The following KIAA1671 variants were observed in gnomAD, a reference collection of about 807,000 sequenced individuals.
The protein encoded by KIAA1671 is KIAA1671.
A neutral mutation model predicts 131.2 loss-of-function variants in KIAA1671; 52 were observed. The ratio of observed to expected loss-of-function variants is 0.40; its 90% confidence interval spans 0.32 to 0.50. The LOEUF (loss-of-function observed/expected upper bound fraction) is 0.50. KIAA1671 is among the 20% of genes least tolerant of loss of function. The pLI is 0.73. For missense variants in KIAA1671, 2,360 were observed against 2,364.2 expected (o/e 1.00, Z 0.04); for synonymous variants, 1,003 against 961.6 (o/e 1.04, Z -0.80).
intron 1 of KIAA1671, among the ~76,000 whole-genome samples, chr22:24,989,229 C>A (rs1923708487): frequency 6.6e-6 from 1 of 152,224 alleles, no homozygotes; most frequent in South Asian, 2.1e-4. Flanking sequence ...ATCTTGGCCA[C>A]CCCGTCTCCC....
intron 6 of KIAA1671, among the ~76,000 whole-genome samples, chr22:25,103,493 G>C (rs1448095274): frequency 1.3e-5 from 2 of 152,068 alleles, no homozygotes; most frequent in African/African-American, 4.8e-5. Flanking sequence ...CAAGTAGCTG[G>C]GACTACAGGC....
chr22:25,091,434 C>G (rs1930024776), intron 6 of KIAA1671, among the ~76,000 whole-genome samples: 1 of 152,150 alleles, frequency 6.6e-6, no homozygotes, highest in Non-Finnish European at 1.5e-5. Flanking sequence ...TTTTGTTCTA[C>G]CTCTCAGAAT....
chr22:25,033,598 T>TTTTTG (rs1926420546), intron 4 of KIAA1671, among the ~76,000 whole-genome samples: 1 of 140,238 alleles, frequency 7.1e-6, no homozygotes, highest in Non-Finnish European at 1.5e-5. Flanking sequence ...TTTTTTTTTT[T>TTTTTG]GATGGAGTCT....
At chr22:25,111,863 C>G (rs1931376782) in intron 6 of KIAA1671, 1 of 159,220 alleles carries the variant, frequency 6.3e-6, no homozygotes, top group Admixed American at 6.9e-5. Flanking sequence ...GGCCGATCAG[C>G]TGGGTGAGCC....
chr22:24,996,799 C>T (rs865923953), intron 1 of KIAA1671, among the ~76,000 whole-genome samples: 7 of 152,232 alleles, frequency 4.6e-5, no homozygotes, highest in Middle Eastern at 6.8e-3. Context: ...GGAGGACAGC[C>T]CTCCTGGAAA....
At chr22:24,985,836 C>G (rs1256556233) in intron 1 of KIAA1671, among the ~76,000 whole-genome samples, 1 of 151,796 alleles carries the variant, frequency 6.6e-6, no homozygotes, top group African/African-American at 2.4e-5. Flanking sequence ...TTCTCCAACA[C>G]CAGGAGAAAC....
intron 6 of KIAA1671, chr22:25,062,901 G>T (rs967603194): frequency 6.1e-5 from 9 of 147,948 alleles, no homozygotes; most frequent in Non-Finnish European, 1.2e-4. Context: ...CACTCTTAAG[G>T]GCTCTGTGGG....
At chr22:25,169,552 C>A (rs577498795) in intron 6 of KIAA1671, among the ~76,000 whole-genome samples, 30 of 152,272 alleles carry the variant, frequency 2.0e-4, no homozygotes, top group Middle Eastern at 6.8e-3. Flanking sequence ...GTCTTGAGGG[C>A]ACCAGCTTCT....
intron 1 of KIAA1671, among the ~76,000 whole-genome samples, chr22:24,983,360 G>T (rs1204466636): frequency 6.6e-6 from 1 of 152,174 alleles, no homozygotes; most frequent in East Asian, 1.9e-4. Flanking sequence ...AATTGTTGGC[G>T]TTTTTTGGCT....
chr22:25,191,000 A>T (rs998403655), intron 12 of KIAA1671, among the ~76,000 whole-genome samples: 2 of 152,068 alleles, frequency 1.3e-5, no homozygotes, highest in African/African-American at 4.8e-5. Context: ...GGCTGCCTGG[A>T]GTGGGTGAAA....
At chr22:25,005,329 C>CA (rs1290217353) in intron 1 of KIAA1671, among the ~76,000 whole-genome samples, 62 of 131,970 alleles carry the variant, frequency 4.7e-4, no homozygotes, top group African/African-American at 1.8e-3. Flanking sequence ...GCCTGGGTGA[C>CA]AGAGCGAGAC....
chr22:24,981,565 G>A (rs1344608343), intron 1 of KIAA1671, among the ~76,000 whole-genome samples: 1 of 152,182 alleles, frequency 6.6e-6, no homozygotes, highest in African/African-American at 2.4e-5. Flanking sequence ...CCACCATCTA[G>A]AGACTCAGGC....
intron 10 of KIAA1671, among the ~76,000 whole-genome samples, chr22:25,183,216 G>A (rs1438486161): frequency 6.6e-6 from 1 of 152,210 alleles, no homozygotes; most frequent in Admixed American, 6.5e-5. Flanking sequence ...CTCTGTGTAT[G>A]CCATGCAGGC....
At position 25,038,830 on chromosome 22, in the gene KIAA1671, A is replaced by G. The variant is rs1450908923; in HGVS notation, c.1700A>G (p.Asp567Gly). ...CCCTGGAAGCCTGGGACACTCCGGG[A>G]TAAGTCCAGGCAGACGGAGCAGAAG... is the stretch of plus-strand genomic sequence containing the variant. ...RSPWKPGTLR[D>G]KSRQTEQKVS... Residue 567 changes from aspartate (D) to glycine (G), a missense_variant, in exon 5 of 13, where the codon GAT becomes GGT. Coordinates refer to ENST00000358431, the MANE Select transcript of KIAA1671 (RefSeq NM_001145206.2). The G allele has an allele frequency of 1.9e-6, 3 of 1,551,714 alleles. No homozygotes were observed. The Admixed American group carries it at 5.9e-5, about 30-fold the overall frequency.
intron 6 of KIAA1671, among the ~76,000 whole-genome samples, chr22:25,084,701 G>A (rs1163586100): frequency 2.0e-5 from 3 of 152,328 alleles, no homozygotes; most frequent in East Asian, 1.9e-4. Context: ...TCTGCTGCCT[G>A]TCTGGAGTGT....
intron 10 of KIAA1671, among the ~76,000 whole-genome samples, chr22:25,182,206 C>T (rs1451821770): frequency 7.7e-6 from 1 of 129,310 alleles, no homozygotes; most frequent in African/African-American, 3.4e-5. Context: ...CAAACATATT[C>T]CTTCCTTCCG....
chr22:25,004,940 T>A (rs2123867456), intron 1 of KIAA1671, among the ~76,000 whole-genome samples: 1 of 148,992 alleles, frequency 6.7e-6, no homozygotes, highest in South Asian at 2.2e-4. Flanking sequence ...AGTGAGATTC[T>A]GTCTCAAAAA....
intron 3 of KIAA1671, among the ~76,000 whole-genome samples, chr22:25,030,513 C>A (rs1315699785): frequency 6.6e-6 from 1 of 151,016 alleles, no homozygotes; most frequent in Non-Finnish European, 1.5e-5. Context: ...CCAGCCTGGA[C>A]AACAGAGCAA....
At chr22:25,009,416 C>T (rs914294192) in intron 1 of KIAA1671, among the ~76,000 whole-genome samples, 10 of 150,988 alleles carry the variant, frequency 6.6e-5, no homozygotes, top group African/African-American at 2.4e-4. Context: ...AGGTGCCTGT[C>T]ACCACACCCA....
Sources: gnomAD v4.1 joint callset for allele counts (sites outside exome capture counted in the v4.1 genomes callset) on GRCh38, gnomAD v4.1.1 for gene constraint, MANE v1.5 for transcripts, NCBI Gene and HGNC (gene_info 2026-07-23, HGNC 2026-07-21) for gene names.